Variants in CDH4 observed in about 807,000 individuals in gnomAD.
CDH4 encodes cadherin-4.
A neutral mutation model predicts 86.0 loss-of-function variants in CDH4; 33 were observed. That is an observed-to-expected ratio of 0.38 (90% CI 0.29 to 0.51). The LOEUF is 0.51. Ranked by LOEUF, CDH4 falls within the 20% of genes least tolerant of loss-of-function variation. The pLI is 0.86. For synonymous variants in CDH4, 555 were observed against 549.4 expected, an observed-to-expected ratio of 1.01 and a Z score of -0.14; for missense variants, 1,114 against 1,307.4, an observed-to-expected ratio of 0.85 and a Z score of 2.28.
chr20:61,541,935 T>C (rs1425054070), intron 2 of CDH4, among the ~76,000 whole-genome samples: 2 of 152,176 alleles, frequency 1.3e-5, no homozygotes, highest in Admixed American at 1.3e-4. Context: ...TGCTTGAAGC[T>C]GGATATGGCT....
At position 61,598,062 on chromosome 20, in the gene CDH4, C is replaced by T. The variant is rs139418329; in HGVS notation, c.170-145501C>T. Among the ~76,000 whole-genome samples the T allele has an allele frequency of 4.3e-3, 662 of 152,352 alleles. 1 individual carries two copies. The highest frequency in any genetic ancestry group is 0.014 in the African/African-American group (579 of 41,592). ...TAAATCCCAAGCCCCTTCCCACCTC[C>T]GTCTCAGTGAACACATGCCAAGCTC... On this transcript the variant is annotated intron_variant, in intron 2 of 15. Coordinates refer to ENST00000614565, the MANE Select transcript of CDH4 (RefSeq NM_001794.5).
chr20:61,773,368 C>G (rs1009804404), intron 4 of CDH4, among the ~76,000 whole-genome samples, 186 bp downstream of exon 4: 1 of 152,232 alleles, frequency 6.6e-6, no homozygotes, highest in African/African-American at 2.4e-5. Flanking sequence ...GCTGCGTCCT[C>G]CGCGGTGGAT....
intron 3 of CDH4, among the ~76,000 whole-genome samples, chr20:61,772,268 G>A (rs137892696): frequency 0.011 from 1,695 of 152,276 alleles, 18 homozygotes; most frequent in Non-Finnish European, 0.017. Flanking sequence ...ACCCTCAGCC[G>A]TCAGCCTCCG....
chr20:61,775,764 G>A (rs779541919), intron 4 of CDH4, among the ~76,000 whole-genome samples: 4 of 152,174 alleles, frequency 2.6e-5, no homozygotes, highest in South Asian at 2.1e-4. Flanking sequence ...GGGTACCAGC[G>A]GCATCTGACT....
intron 2 of CDH4, among the ~76,000 whole-genome samples, chr20:61,739,500 G>C: frequency 6.6e-6 from 1 of 152,218 alleles, no homozygotes; most frequent in East Asian, 1.9e-4. Flanking sequence ...TGTGAGGGGA[G>C]GGGTAGGGCA....
chr20:61,448,290 T>C (rs1315513375), intron 2 of CDH4, among the ~76,000 whole-genome samples: 1 of 152,220 alleles, frequency 6.6e-6, no homozygotes, highest in African/African-American at 2.4e-5. Context: ...ATAGTTTCCA[T>C]AAGCGATGTT....
intron 2 of CDH4, among the ~76,000 whole-genome samples, chr20:61,311,123 G>A (rs6015945): frequency 0.17 from 26,028 of 152,190 alleles, 2,308 homozygotes; most frequent in African/African-American, 0.2. Context: ...AGGCTCAGAT[G>A]TTCTGGGTGA....
At chr20:61,350,958 G>T (rs868176929) in intron 2 of CDH4, among the ~76,000 whole-genome samples, 2 of 152,070 alleles carry the variant, frequency 1.3e-5, no homozygotes, top group Non-Finnish European at 2.9e-5. Context: ...AGGCTGAGCC[G>T]GTCTGAAGCA....
In CDH4 at chr20:61,826,168, C is replaced by A. The variant is rs143359139; in HGVS notation, c.577-18500C>A. 6.0e-3 allele frequency among the ~76,000 whole-genome samples: 911 copies of A among 152,332 alleles called. 5 individuals carry two copies. Among genetic ancestry groups the A allele is most frequent in the South Asian group, 0.015 (71 of 4,826 alleles). The stretch of plus-strand genomic sequence containing the variant: ...GCTCAGAACTCCCAGATGGTGTCAT[C>A]CCTTCTCGTGGGGGTGGAAGTCAGA... On this transcript the variant is annotated intron_variant, in intron 4 of 15. Transcript: ENST00000614565.
chr20:61,764,287 G>T (rs1421165230), intron 3 of CDH4, among the ~76,000 whole-genome samples: 1 of 152,240 alleles, frequency 6.6e-6, no homozygotes, highest in African/African-American at 2.4e-5. Context: ...GAACCCCGGG[G>T]CCACCGACTT....
intron 2 of CDH4, among the ~76,000 whole-genome samples, chr20:61,713,114 A>G (rs186353264): frequency 5.9e-5 from 9 of 152,308 alleles, no homozygotes; most frequent in Admixed American, 3.3e-4. Context: ...GAAGAGCCTT[A>G]TCCCTCCTCT....
At chr20:61,430,674 G>C (rs945066233) in intron 2 of CDH4, among the ~76,000 whole-genome samples, 1 of 152,212 alleles carries the variant, frequency 6.6e-6, no homozygotes, top group Non-Finnish European at 1.5e-5. Flanking sequence ...TCAGTCGCCA[G>C]TCCTGCTTCC....
chr20:61,856,256 A>G (rs751973629), intron 6 of CDH4, among the ~76,000 whole-genome samples: 1 of 152,208 alleles, frequency 6.6e-6, no homozygotes, highest in Non-Finnish European at 1.5e-5. Flanking sequence ...ACAAATGGAA[A>G]GATGGGTTAA....
At chr20:61,569,780 G>C (rs6121694) in intron 2 of CDH4, among the ~76,000 whole-genome samples, 12,017 of 152,122 alleles carry the variant, frequency 0.079, 995 homozygotes, top group African/African-American at 0.2. Flanking sequence ...TAGTCTGAAA[G>C]ATTCCTGGGC....
intron 2 of CDH4, among the ~76,000 whole-genome samples, chr20:61,505,056 G>A (rs1022478763): frequency 2.0e-5 from 3 of 152,194 alleles, no homozygotes; most frequent in African/African-American, 7.2e-5. Flanking sequence ...TAAGATGTAG[G>A]GCTGGAGGCT....
Position 61,362,347 on chromosome 20 carries a change from C to T in CDH4, c.169+107410C>T, listed in dbSNP as rs181067144. Among the ~76,000 whole-genome samples, 782 of 151,302 alleles carry T rather than the reference C, an allele frequency of 5.2e-3. 2 individuals carry two copies. Among genetic ancestry groups the T allele is most frequent in the African/African-American group, 0.017 (707 of 41,150 alleles). ...TGGCCTAGGACAGCGTAGTGGAGAGCGGAGACGTGGCCTAGGACAGCATAG... is the reference window on the plus strand; with the variant it reads ...TGGCCTAGGACAGCGTAGTGGAGAGTGGAGACGTGGCCTAGGACAGCATAG... On this transcript the variant is annotated intron_variant, in intron 2 of 15. Transcript: ENST00000614565.
chr20:61,548,786 G>A (rs535302746), intron 2 of CDH4, among the ~76,000 whole-genome samples: 1 of 152,278 alleles, frequency 6.6e-6, no homozygotes, highest in South Asian at 2.1e-4. Context: ...AAAAAGAAAT[G>A]TCACAAATGA....
intron 2 of CDH4, among the ~76,000 whole-genome samples, chr20:61,473,116 G>A (rs1481451049): frequency 1.3e-5 from 2 of 152,186 alleles, no homozygotes; most frequent in African/African-American, 4.8e-5. Flanking sequence ...ATCATCGAAT[G>A]TGGAGTTTGG....
Position 61,383,338 on chromosome 20 carries a change from GATATATATGAATATATATGGATAT to G in CDH4, c.169+128406_169+128429del. On this transcript the variant is annotated intron_variant, in intron 2 of 15. Transcript: ENST00000614565. ...ATATGTGATATATATGAATATATGT[GATATATATGAATATATATGGATAT>G]ATATGAATATATATGGATATATATG... is the stretch of plus-strand genomic sequence containing the variant. Among the ~76,000 whole-genome samples the G allele has an allele frequency of 4.9e-5, 2 of 41,114 alleles. 1 individual carries two copies. Among genetic ancestry groups the G allele is most frequent in the African/African-American group, 3.6e-4 (2 of 5,540 alleles). 27.0% of individuals were successfully genotyped at this position (41,114 alleles called of 152,430 possible). A position where few individuals can be genotyped will look rare whatever the true frequency, so the allele number is the denominator to read the frequency against.
Sources: gnomAD v4.1 joint callset for allele counts (sites outside exome capture counted in the v4.1 genomes callset) on GRCh38, gnomAD v4.1.1 for gene constraint, MANE v1.5 for transcripts, NCBI Gene and HGNC (gene_info 2026-07-23, HGNC 2026-07-21) for gene names.